OR1F1: variants seen among roughly 807,000 people sequenced by gnomAD.
OR1F1 encodes olfactory receptor family 1 subfamily F member 1.
For missense variants in OR1F1, 493 were observed against 376.3 expected (o/e 1.31, Z -2.57); for synonymous variants, 184 against 156.7 (o/e 1.17, Z -1.30).
chr16:3,204,625 T>G (rs768707730), exon 1 of OR1F1: 20 of 1,614,080 alleles, frequency 1.2e-5, no homozygotes, highest in Non-Finnish European at 1.6e-5. Context: ...TGTCGCCGTG[T>G]GCCACCCCTT....
chr16:3,189,442 T>C, the OR1F1 span, among the ~76,000 whole-genome samples: 1 of 152,238 alleles, frequency 6.6e-6, no homozygotes, highest in Non-Finnish European at 1.5e-5. Context: ...GCGCCAGGGC[T>C]GCTCCCCATT....
At chr16:3,205,919 C>T (rs538100204), downstream of OR1F1, among the ~76,000 whole-genome samples, 3 of 152,102 alleles carry the variant, frequency 2.0e-5, no homozygotes, top group Non-Finnish European at 2.9e-5. Flanking sequence ...AACAGAATAA[C>T]AGTGATTTTA....
the OR1F1 span, among the ~76,000 whole-genome samples, chr16:3,199,115 C>CAAAAAAAAAAAAAAAAAAAAA: frequency 1.9e-5 from 1 of 52,550 alleles, no homozygotes; most frequent in South Asian, 1.2e-3. Context: ...CCTGTCTCTA[C>CAAAAAAAAAAAAAAAAAAAAA]AAAAAAAAAA....
At chr16:3,199,166 A>T in the OR1F1 span, among the ~76,000 whole-genome samples, 1 of 145,864 alleles carries the variant, frequency 6.9e-6, no homozygotes, top group Non-Finnish European at 1.5e-5. Context: ...ACCTGAACAT[A>T]GTGGCATGTG....
At chr16:3,193,110 A>G in the OR1F1 span, among the ~76,000 whole-genome samples, 2 of 152,028 alleles carry the variant, frequency 1.3e-5, no homozygotes. Context: ...TATTTTTAGT[A>G]GAGACGGGGT....
At chr16:3,188,656 G>A in the OR1F1 span, among the ~76,000 whole-genome samples, 7 of 151,962 alleles carry the variant, frequency 4.6e-5, no homozygotes, top group African/African-American at 1.7e-4. Context: ...CCCACCCCCA[G>A]ACCCCGGGGC....
chr16:3,205,555 C>G (rs1437520178), downstream of OR1F1, among the ~76,000 whole-genome samples: 1 of 151,616 alleles, frequency 6.6e-6, no homozygotes, highest in African/African-American at 2.4e-5. Flanking sequence ...AGTCAGGGAC[C>G]CTGAACAGAG....
At chr16:3,204,235 G>A (rs60611456), upstream of OR1F1, 3,122 of 1,571,790 alleles carry the variant, frequency 2.0e-3, 39 homozygotes, top group African/African-American at 0.033. Flanking sequence ...CTGTGTCCAG[G>A]ATCCCAGGCC....
chr16:3,195,399 T>A, the OR1F1 span, among the ~76,000 whole-genome samples: 1 of 151,508 alleles, frequency 6.6e-6, no homozygotes, highest in African/African-American at 2.4e-5. Context: ...CGGGCGTCCA[T>A]CCCAGTGAGA....
the OR1F1 span, among the ~76,000 whole-genome samples, chr16:3,196,507 C>T: frequency 6.6e-6 from 1 of 151,796 alleles, no homozygotes; most frequent in Non-Finnish European, 1.5e-5. Flanking sequence ...CCTCAGCCTC[C>T]TAAGTAGCTG....
chr16:3,193,922 C>A, the OR1F1 span, among the ~76,000 whole-genome samples: 40,703 of 152,038 alleles, frequency 0.27, 5,563 homozygotes, highest in East Asian at 0.31. Flanking sequence ...GTAACTGCCC[C>A]AGTGGCCTGA....
At chr16:3,204,931 C>A (rs772361370) in exon 1 of OR1F1, 7 of 1,614,034 alleles carry the variant, frequency 4.3e-6, no homozygotes, top group African/African-American at 2.7e-5. Context: ...CCTGAAGGTC[C>A]CATCCACAAA....
chr16:3,206,436 A>T (rs1219288483), downstream of OR1F1, among the ~76,000 whole-genome samples: 1 of 152,010 alleles, frequency 6.6e-6, no homozygotes, highest in Non-Finnish European at 1.5e-5. Flanking sequence ...GATCTCTGTG[A>T]CCTACTCCCT....
At chr16:3,202,014 A>C (rs1958140290), upstream of OR1F1, among the ~76,000 whole-genome samples, 1 of 152,228 alleles carries the variant, frequency 6.6e-6, no homozygotes, top group Non-Finnish European at 1.5e-5. Flanking sequence ...GGCAGCTGTA[A>C]CACTGCCTGC....
the OR1F1 span, among the ~76,000 whole-genome samples, chr16:3,196,241 T>A: frequency 6.6e-6 from 1 of 152,234 alleles, no homozygotes; most frequent in Non-Finnish European, 1.5e-5. Context: ...TTCCTTTTCC[T>A]TTGCAGCCCT....
upstream of OR1F1, among the ~76,000 whole-genome samples, chr16:3,203,442 C>T (rs970987583): frequency 2.0e-5 from 3 of 152,238 alleles, no homozygotes; most frequent in African/African-American, 7.2e-5. Context: ...CTTCAGGAGA[C>T]AGTGAGGACT....
chr16:3,200,810 G>A (rs141367923), upstream of OR1F1, among the ~76,000 whole-genome samples: 439 of 152,250 alleles, frequency 2.9e-3, no homozygotes, highest in African/African-American at 0.01. Context: ...CAAGAACATG[G>A]TCACATTCTT....
the OR1F1 span, among the ~76,000 whole-genome samples, chr16:3,190,158 C>T: frequency 6.6e-6 from 1 of 152,118 alleles, no homozygotes; most frequent in Non-Finnish European, 1.5e-5. Context: ...TGGAGATAGG[C>T]TATGGGTGTT....
chr16:3,192,504 G>C, the OR1F1 span, among the ~76,000 whole-genome samples: 1 of 152,250 alleles, frequency 6.6e-6, no homozygotes, highest in Non-Finnish European at 1.5e-5. Flanking sequence ...CTTGTCGCAT[G>C]AGTGTCTGAG....
Sources: allele counts gnomAD v4.1 joint callset (sites outside exome capture counted in the v4.1 genomes callset), GRCh38; gene constraint gnomAD v4.1.1; transcripts MANE v1.5; gene names NCBI Gene and HGNC (gene_info 2026-07-23, HGNC 2026-07-21).